Variants in FMN2 observed in about 807,000 individuals in gnomAD.
FMN2 encodes formin 2.
FMN2 carries 51 observed loss-of-function variants against 142.3 expected under a neutral mutation model. The observed-to-expected ratio is 0.36, with a 90% CI of 0.29 to 0.45. FMN2 has a LOEUF of 0.45. FMN2 is among the 20% of genes least tolerant of loss of function. The pLI, the probability that FMN2 is intolerant of heterozygous loss-of-function variation, is 1.00. For missense variants in FMN2, 1,936 were observed against 2,122.8 expected (o/e 0.91, Z 1.73); for synonymous variants, 882 against 869.8 (o/e 1.01, Z -0.25).
intron 14 of FMN2, among the ~76,000 whole-genome samples, chr1:240,388,657 T>A (rs557713168): frequency 1.3e-5 from 2 of 151,636 alleles, no homozygotes; most frequent in Non-Finnish European, 2.9e-5. Flanking sequence ...AGGTCAGGAG[T>A]TCGAGACCAG....
chr1:240,177,252 G>A (rs1664954896), intron 2 of FMN2, among the ~76,000 whole-genome samples: 3 of 152,070 alleles, frequency 2.0e-5, no homozygotes, highest in Non-Finnish European at 4.4e-5. Flanking sequence ...GAGATTTGTA[G>A]TTTGTCTCCT....
chr1:240,351,010 C>G (rs1672077788), intron 13 of FMN2, among the ~76,000 whole-genome samples: 1 of 152,102 alleles, frequency 6.6e-6, no homozygotes, highest in South Asian at 2.1e-4. Flanking sequence ...GGAGATTATT[C>G]TAAGTACTGG....
At chr1:240,214,078 T>C (rs1666793811) in intron 6 of FMN2, among the ~76,000 whole-genome samples, 1 of 152,250 alleles carries the variant, frequency 6.6e-6, no homozygotes, top group Non-Finnish European at 1.5e-5. Context: ...TCTATGATGA[T>C]TTCTTCATTT....
intron 8 of FMN2, among the ~76,000 whole-genome samples, chr1:240,321,511 A>C (rs369286002): frequency 6.6e-6 from 1 of 152,246 alleles, no homozygotes. Context: ...TAATTTTTAA[A>C]TGACCATTCT....
intron 14 of FMN2, among the ~76,000 whole-genome samples, chr1:240,375,481 G>A (rs1359420822): frequency 2.0e-5 from 3 of 152,142 alleles, no homozygotes; most frequent in Non-Finnish European, 4.4e-5. Context: ...ATGGTTAGAA[G>A]GCATACCTAA....
chr1:240,368,957 A>T (rs1037329448), intron 14 of FMN2, among the ~76,000 whole-genome samples: 4 of 148,886 alleles, frequency 2.7e-5, no homozygotes, highest in Non-Finnish European at 4.5e-5. Flanking sequence ...CACAATGTTT[A>T]TATATATATA....
chr1:240,127,094 G>A (rs540686952), intron 2 of FMN2, among the ~76,000 whole-genome samples: 10 of 151,908 alleles, frequency 6.6e-5, no homozygotes, highest in African/African-American at 2.4e-4. Context: ...CACAGGCAGG[G>A]TCTGGAAAGC....
intron 7 of FMN2, among the ~76,000 whole-genome samples, chr1:240,268,085 G>GA (rs968017448): frequency 1.3e-5 from 2 of 151,864 alleles, no homozygotes; most frequent in South Asian, 2.1e-4. Context: ...GGGGATTTCT[G>GA]AAAAAAACGT....
At chr1:240,457,191 C>T (rs1017285609) in intron 16 of FMN2, among the ~76,000 whole-genome samples, 1 of 152,176 alleles carries the variant, frequency 6.6e-6, no homozygotes, top group Non-Finnish European at 1.5e-5. Context: ...AGCTGGACAA[C>T]TTCAAAATCA....
chr1:240,126,364 AC>A (rs367989696), intron 2 of FMN2, among the ~76,000 whole-genome samples: 63 of 129,686 alleles, frequency 4.9e-4, no homozygotes, highest in Middle Eastern at 8.1e-3. Context: ...CTTCCTACCT[AC>A]CCCCCCCCAC....
At chr1:240,271,098 G>GCTTTTTTTTTTTTTTT (rs1233218686) in intron 7 of FMN2, among the ~76,000 whole-genome samples, 1 of 72,242 alleles carries the variant, frequency 1.4e-5, no homozygotes, top group South Asian at 4.9e-4. Flanking sequence ...TTCCACGATG[G>GCTTTTTTTTTTTTTTT]TTTTTTTTTT....
chr1:240,093,554 C>A lies in FMN2; in HGVS notation c.1445C>A (p.Ser482Ter). ...DGGLAAGLSR[S>*]ADWTEELGAR... ...GGCCTTGCGGCCGGCCTGAGCCGCT[C>A]GGCTGACTGGACGGAGGAGCTAGGC... The change falls in exon 1 of 18, where the codon TCG (serine) becomes TAG (stop). Residue 482 changes from serine to a stop codon, truncating the protein, a stop_gained. Coordinates refer to ENST00000319653, the MANE Select transcript of FMN2 (RefSeq NM_020066.5). LOFTEE classifies it high-confidence loss of function. 1 of 1,517,280 alleles carries A rather than the reference C, an allele frequency of 6.6e-7. No individual in the cohort carries two copies. Among genetic ancestry groups the A allele is most frequent in the Non-Finnish European group, 8.8e-7 (1 of 1,140,380 alleles). 94.0% of individuals were successfully genotyped at this position (1,517,280 alleles called of 1,614,324 possible).
chr1:240,294,829 G>A lies in FMN2; in HGVS notation c.4161G>A (p.Val1387=), dbSNP rs1375911783. 5.0e-6 allele frequency: 8 copies of A among 1,613,970 alleles called. No homozygotes were observed. The highest frequency in any genetic ancestry group is 6.8e-6 in the Non-Finnish European group (8 of 1,179,880). ...CTTCTTTTTTTTCCACAGCTGTTGT[G>A]AACTTGGATAATTCTGTGGTTGACC... ...LDMKDIQHAV[V]NLDNSVVDLE... is the part of the protein sequence containing the mutation. Residue 1387 remains valine, a synonymous_variant, in exon 8 of 18, where the codon GTG becomes GTA. Transcript: ENST00000319653.
At chr1:240,458,186 G>T (rs575314890) in intron 16 of FMN2, 1 of 152,184 alleles carries the variant, frequency 6.6e-6, no homozygotes. Flanking sequence ...GATAAACAGC[G>T]TATGTGTCAC....
chr1:240,384,500 G>A (rs923803585), intron 14 of FMN2, among the ~76,000 whole-genome samples: 3 of 151,892 alleles, frequency 2.0e-5, no homozygotes, highest in African/African-American at 7.3e-5. Context: ...GAACTATGGT[G>A]CACCTTTGCT....
rs952098423 is a variant in FMN2, at chr1:240,123,735, G to A, written c.1782+390G>A. ...GTTTAGTGGCATCAAATACATTGACGTGGTTGTGCATCCACCACCACCATC... is the reference window on the plus strand; with the variant it reads ...GTTTAGTGGCATCAAATACATTGACATGGTTGTGCATCCACCACCACCATC... On this transcript the variant is annotated intron_variant, in intron 2 of 17. Coordinates refer to ENST00000319653, the MANE Select transcript of FMN2 (RefSeq NM_020066.5). 1.6e-4 allele frequency among the ~76,000 whole-genome samples: 24 copies of A among 152,094 alleles called. No individual in the cohort carries two copies. The East Asian group carries it at 4.4e-3, about 28-fold the overall frequency.
At chr1:240,308,116 A>G (rs1175595652) in intron 8 of FMN2, among the ~76,000 whole-genome samples, 1 of 152,216 alleles carries the variant, frequency 6.6e-6, no homozygotes, top group African/African-American at 2.4e-5. Flanking sequence ...TATTTGAAAG[A>G]TGACATTTGA....
intron 13 of FMN2, among the ~76,000 whole-genome samples, chr1:240,344,843 G>A (rs1349003379): frequency 6.6e-6 from 1 of 152,126 alleles, no homozygotes; most frequent in Admixed American, 6.5e-5. Context: ...ATCTGTGATT[G>A]TGTTACAGTG....
At chr1:240,142,438 G>A (rs76171529) in intron 2 of FMN2, among the ~76,000 whole-genome samples, 3,346 of 150,896 alleles carry the variant, frequency 0.022, 108 homozygotes, top group African/African-American at 0.077. Context: ...CTGAGCCATG[G>A]TCCCAGGGTC....
Sources: allele counts gnomAD v4.1 joint callset (sites outside exome capture counted in the v4.1 genomes callset), GRCh38; gene constraint gnomAD v4.1.1; transcripts MANE v1.5; gene names NCBI Gene and HGNC (gene_info 2026-07-23, HGNC 2026-07-21).